PDZK1IP1: variants seen among roughly 807,000 people sequenced by gnomAD.
The protein encoded by PDZK1IP1 is PDZK1-interacting protein 1.
In PDZK1IP1, 9 loss-of-function variants were observed where a neutral mutation model predicts 14.7. The observed-to-expected ratio is 0.61, with a 90% CI of 0.37 to 1.07. PDZK1IP1 has a LOEUF of 1.07. Among genes scored for constraint, PDZK1IP1 ranks in the 50% least tolerant of loss-of-function variants. The probability of loss-of-function intolerance (pLI) is 0.01; values close to 1 mark genes in which losing one functional copy is unlikely to be tolerated. For synonymous variants in PDZK1IP1, 70 were observed against 61.2 expected, an observed-to-expected ratio of 1.14 and a Z score of -0.67; for missense variants, 152 against 148.7, an observed-to-expected ratio of 1.02 and a Z score of -0.11.
chr1:47,185,165 G>T (rs1645311735), intron 2 of PDZK1IP1, 68 bp from the exon 3 acceptor site: 3 of 1,229,550 alleles, frequency 2.4e-6, no homozygotes, highest in Non-Finnish European at 2.4e-6. Flanking sequence ...CCCTATTCTG[G>T]GTCCTGGTTC....
intron 2 of PDZK1IP1, among the ~76,000 whole-genome samples, chr1:47,186,350 T>G (rs1287158002): frequency 6.6e-6 from 1 of 150,658 alleles, no homozygotes. Flanking sequence ...ACTGGATTCC[T>G]GCTCACTTAG....
At chr1:47,188,616 T>C (rs1401285380) in intron 1 of PDZK1IP1, among the ~76,000 whole-genome samples, 1 of 152,140 alleles carries the variant, frequency 6.6e-6, no homozygotes, top group Non-Finnish European at 1.5e-5. Flanking sequence ...TGCTCAAATG[T>C]CCTCCTTTGA....
chr1:47,183,628 CA>C lies in PDZK1IP1; in HGVS notation c.*342del. The C allele has an allele frequency of 3.5e-6, 1 of 287,890 alleles. No homozygotes were observed. 17.8% of individuals were successfully genotyped at this position (287,890 alleles called of 1,614,324 possible). On this transcript the variant is annotated 3_prime_UTR_variant, in exon 4 of 4. Coordinates refer to ENST00000294338, the MANE Select transcript of PDZK1IP1 (RefSeq NM_005764.4). ...AGGGGCTGTTGCTGAGCCTCAGCCC[CA>C]GAAATACAAAAAGTCTTTATTTCAC...
rs548754046 is a variant in PDZK1IP1 at position 47,187,315 on chromosome 1, T to C, written c.176+4A>G. On this transcript the variant is annotated splice_donor_region_variant and intron_variant, in intron 2 of 3. Coordinates refer to ENST00000294338, the MANE Select transcript of PDZK1IP1 (RefSeq NM_005764.4). ...CTGCTCAGGGACCCTTGGGCAGCAC[T>C]CACGGCTCCTCCTGGCACCAGAAGT... The C allele has an allele frequency of 6.1e-5, 98 of 1,609,660 alleles. No homozygotes were observed. In the Admixed American group the frequency reaches 9.3e-4, roughly 15 times the overall value.
intron 2 of PDZK1IP1, among the ~76,000 whole-genome samples, chr1:47,185,899 C>T (rs1271568482): frequency 6.6e-6 from 1 of 152,106 alleles, no homozygotes; most frequent in South Asian, 2.1e-4. Flanking sequence ...ATGCCCACCC[C>T]CTCACCACTC....
chr1:47,187,248 ACTG>A, intron 2 of PDZK1IP1, 68 bp downstream of exon 2: 1 of 1,065,254 alleles, frequency 9.4e-7, no homozygotes, highest in East Asian at 2.5e-5. Flanking sequence ...GGCCCTTCTC[ACTG>A]CTACTAGAGC....
Position 47,185,008 on chromosome 1 carries a change from C to T in PDZK1IP1, c.266G>A (p.Ser89Asn), listed in dbSNP as rs757487422. The T allele has an allele frequency of 1.2e-4, 196 of 1,612,818 alleles. 2 individuals carry two copies. In the South Asian group the frequency reaches 2.1e-3, roughly 17 times the overall value. Reference protein sequence around the residue: ...TDGRYSSMAASFRSSEHENAY... With the variant: ...TDGRYSSMAANFRSSEHENAY... ...GCCCTGCCCTGCACCTCACCTGAAA[C>T]TGGCCGCCATCGAAGAGTACCTTCC... Residue 89 changes from serine (S) to asparagine (N), a missense_variant, in exon 3 of 4, where the codon AGT becomes AAT. Transcript: ENST00000294338.
intron 2 of PDZK1IP1, among the ~76,000 whole-genome samples, chr1:47,186,770 G>A (rs1033981669): frequency 5.9e-5 from 9 of 152,162 alleles, no homozygotes; most frequent in East Asian, 1.9e-4. Flanking sequence ...GTCAGGTTTC[G>A]GGATAAATGT....
intron 1 of PDZK1IP1, among the ~76,000 whole-genome samples, chr1:47,188,972 GCTC>G (rs1022575740): frequency 1.1e-4 from 16 of 152,188 alleles, no homozygotes; most frequent in Non-Finnish European, 1.8e-4. Context: ...CACAGTCCCT[GCTC>G]CTCCTCCCAT....
intron 1 of PDZK1IP1, among the ~76,000 whole-genome samples, chr1:47,188,453 A>G (rs1645332860): frequency 6.6e-6 from 1 of 152,196 alleles, no homozygotes; most frequent in African/African-American, 2.4e-5. Flanking sequence ...AGCCTTGTAG[A>G]GAAAAGACCC....
intron 1 of PDZK1IP1, among the ~76,000 whole-genome samples, chr1:47,188,786 T>G (rs71645854): frequency 0.083 from 12,559 of 152,216 alleles, 684 homozygotes; most frequent in Non-Finnish European, 0.12. Flanking sequence ...GTGATTACCC[T>G]CAGTTCCACA....
intron 3 of PDZK1IP1, 134 bp downstream of exon 3, chr1:47,184,868 G>A (rs1019262325): frequency 7.7e-5 from 53 of 692,048 alleles, no homozygotes; most frequent in Non-Finnish European, 8.3e-5. Context: ...TCCTCACAAA[G>A]CCCCCATTGC....
chr1:47,184,766 C>T (rs890093914), intron 3 of PDZK1IP1, among the ~76,000 whole-genome samples: 1 of 150,564 alleles, frequency 6.6e-6, no homozygotes, highest in South Asian at 2.1e-4. Flanking sequence ...GAGTCCCCTC[C>T]CCTACGCTGA....
chr1:47,187,782 C>A (rs374129933), intron 1 of PDZK1IP1, among the ~76,000 whole-genome samples: 2 of 152,154 alleles, frequency 1.3e-5, no homozygotes, highest in Non-Finnish European at 2.9e-5. Flanking sequence ...CCCCAGGGAC[C>A]AAAGGGCAGC....
intron 3 of PDZK1IP1, among the ~76,000 whole-genome samples, chr1:47,184,632 T>TCCCTCACTGA (rs1645308085): frequency 2.2e-5 from 1 of 45,292 alleles, no homozygotes; most frequent in African/African-American, 8.2e-5. Context: ...ACTGAGTCCA[T>TCCCTCACTGA]ACCCCAGTGA....
At position 47,189,951 on chromosome 1, in the gene PDZK1IP1, C is replaced by CCTTG. The variant is rs763853778; in HGVS notation, c.-23_-20dup. On this transcript the variant is annotated 5_prime_UTR_variant, in exon 1 of 4. Coordinates refer to ENST00000294338, the MANE Select transcript of PDZK1IP1 (RefSeq NM_005764.4). ...CCGACATGGCTGCAGCAGCTCCTAG[C>CCTTG]CTTGCTTCTGGCCGCCGGTGTCTGG... 1 of 1,574,482 alleles carries CCTTG rather than the reference C, an allele frequency of 6.4e-7. No homozygotes were observed. Among genetic ancestry groups the CCTTG allele is most frequent in the South Asian group, 1.2e-5 (1 of 86,540 alleles).
At chr1:47,186,969 C>T (rs1645323458) in intron 2 of PDZK1IP1, among the ~76,000 whole-genome samples, 1 of 152,198 alleles carries the variant, frequency 6.6e-6, no homozygotes. Flanking sequence ...GGGACCGCAC[C>T]TTCTAGAGGT....
chr1:47,185,946 C>T (rs866274008), intron 2 of PDZK1IP1, among the ~76,000 whole-genome samples: 3 of 152,118 alleles, frequency 2.0e-5, no homozygotes, highest in South Asian at 2.1e-4. Context: ...CCACCGCTGC[C>T]GTGCATCTGC....
intron 1 of PDZK1IP1, 119 bp downstream of exon 1, chr1:47,189,747 G>A (rs1205500410): frequency 1.5e-6 from 1 of 662,676 alleles, no homozygotes; most frequent in Non-Finnish European, 2.4e-6. Context: ...CATTCTTTCA[G>A]CTAGCGCAGT....
Sources: gnomAD v4.1 joint callset for allele counts (sites outside exome capture counted in the v4.1 genomes callset) on GRCh38, gnomAD v4.1.1 for gene constraint, MANE v1.5 for transcripts, NCBI Gene and HGNC (gene_info 2026-07-23, HGNC 2026-07-21) for gene names.